COL23A1: variants seen among roughly 807,000 people sequenced by gnomAD.
COL23A1 encodes collagen alpha-1(XXIII) chain.
In COL23A1, 97 loss-of-function variants were observed where a neutral mutation model predicts 99.3. The observed-to-expected ratio is 0.98, with a 90% CI of 0.83 to 1.16. The LOEUF (loss-of-function observed/expected upper bound fraction) is 1.16, where lower values mean the gene tolerates loss of function less well. Ranked by LOEUF, COL23A1 falls within the 50% of genes most tolerant of loss-of-function variation. COL23A1 has a pLI of 0.00. For synonymous variants in COL23A1, 320 were observed against 308.2 expected (o/e 1.04, Z -0.40); for missense variants, 762 against 757.4 (o/e 1.01, Z -0.07).
Position 178,449,521 on chromosome 5 carries a change from G to A in COL23A1, c.361+111161C>T, listed in dbSNP as rs1367536063. ...CTCATGAATAAAGCTGTTTTCTATG[G>A]TTGGATGCAAAAAGCATTCCCCCCA... On this transcript the variant is annotated intron_variant, in intron 2 of 28. Coordinates refer to ENST00000390654, the MANE Select transcript of COL23A1 (RefSeq NM_173465.4). Among the ~76,000 whole-genome samples, 3 of 152,060 alleles carry A rather than the reference G, an allele frequency of 2.0e-5. No homozygotes were observed. In the East Asian group the frequency reaches 5.8e-4, roughly 29 times the overall value.
chr5:178,562,460 C>G (rs967957093), intron 1 of COL23A1: 5 of 155,670 alleles, frequency 3.2e-5, no homozygotes, highest in Non-Finnish European at 7.0e-5. Flanking sequence ...GAGGCTGAGG[C>G]AGGAGAATGG....
intron 2 of COL23A1, among the ~76,000 whole-genome samples, chr5:178,523,013 A>G (rs971660509): frequency 2.0e-5 from 3 of 151,688 alleles, no homozygotes; most frequent in Non-Finnish European, 4.4e-5. Context: ...AATGTAAAAA[A>G]ACTCCAGCCA....
intron 2 of COL23A1, among the ~76,000 whole-genome samples, chr5:178,505,100 C>T (rs528227003): frequency 3.9e-5 from 6 of 152,166 alleles, no homozygotes; most frequent in Non-Finnish European, 5.9e-5. Context: ...GTTAATTCCT[C>T]CTCATGGCTG....
intron 2 of COL23A1, among the ~76,000 whole-genome samples, chr5:178,448,404 C>G (rs1480749912): frequency 6.7e-6 from 1 of 149,106 alleles, no homozygotes; most frequent in East Asian, 2.0e-4. Context: ...TCTGTTAGTG[C>G]TAGTCGCAGT....
intron 2 of COL23A1, among the ~76,000 whole-genome samples, chr5:178,497,853 A>G (rs1758276217): frequency 6.6e-6 from 1 of 152,142 alleles, no homozygotes; most frequent in South Asian, 2.1e-4. Context: ...TAAAAATGAC[A>G]TATGAAGAAC....
chr5:178,498,232 ATATATATATATATATATATAT>A (rs1454308038), intron 2 of COL23A1, among the ~76,000 whole-genome samples: 9,582 of 73,312 alleles, frequency 0.13, 1,549 homozygotes, highest in East Asian at 0.53. Context: ...ATATATATAT[ATATATATATATATATATATAT>A]ATATAAAAGA....
chr5:178,347,144 G>A (rs1212905085), intron 2 of COL23A1, among the ~76,000 whole-genome samples: 1 of 152,138 alleles, frequency 6.6e-6, no homozygotes, highest in South Asian at 2.1e-4. Flanking sequence ...GCACTGGCCC[G>A]AGACCTTTCT....
rs1239468783 is a variant in COL23A1, at chr5:178,307,387, C to T, written c.362-468G>A. 3.3e-5 allele frequency among the ~76,000 whole-genome samples: 5 copies of T among 152,250 alleles called. No homozygotes were observed. The South Asian group carries it at 6.2e-4, about 19-fold the overall frequency. On this transcript the variant is annotated intron_variant, in intron 2 of 28. Coordinates refer to ENST00000390654, the MANE Select transcript of COL23A1 (RefSeq NM_173465.4). The surrounding 1 kb of genome is among the most constrained non-coding windows in gnomAD (Gnocchi z 4.2). ...CACAACAAAGAGGCCATCACGGCCG[C>T]GCAGCGCCGAAATCCACTCATGACA... is the stretch of plus-strand genomic sequence containing the variant.
intron 2 of COL23A1, among the ~76,000 whole-genome samples, chr5:178,330,916 C>A (rs540020506): frequency 6.6e-6 from 1 of 152,340 alleles, no homozygotes; most frequent in East Asian, 1.9e-4. Flanking sequence ...CAAAGAGGCA[C>A]CCACTGGCAG....
At chr5:178,333,626 C>T (rs2973682) in intron 2 of COL23A1, among the ~76,000 whole-genome samples, 68,564 of 151,850 alleles carry the variant, frequency 0.45, 16,202 homozygotes, top group East Asian at 0.81. Flanking sequence ...CGCCCACAGT[C>T]CCCTGCACAC....
chr5:178,276,598 G>A (rs915389365), intron 5 of COL23A1, among the ~76,000 whole-genome samples: 1 of 152,230 alleles, frequency 6.6e-6, no homozygotes, highest in Non-Finnish European at 1.5e-5. Context: ...TGGTGGATAA[G>A]GGGTGGGTGG....
chr5:178,333,021 G>A (rs1394088312), intron 2 of COL23A1, among the ~76,000 whole-genome samples: 3 of 151,988 alleles, frequency 2.0e-5, no homozygotes, highest in East Asian at 1.9e-4. Context: ...GCAGTGGCCC[G>A]ATCTTGGCTC....
At chr5:178,341,096 C>A (rs981497730) in intron 2 of COL23A1, among the ~76,000 whole-genome samples, 1 of 152,216 alleles carries the variant, frequency 6.6e-6, no homozygotes, top group South Asian at 2.1e-4. Flanking sequence ...TGCATCCCCC[C>A]ACTCCCTGTC....
chr5:178,245,838 G>T, intron 25 of COL23A1, 104 bp downstream of exon 25: 1 of 1,356,480 alleles, frequency 7.4e-7, no homozygotes, highest in Non-Finnish European at 1.1e-6. Context: ...TCCCAGCCCT[G>T]GGGAAAGGGG....
Position 178,313,381 on chromosome 5 carries a change from A to G in COL23A1, c.362-6462T>C, listed in dbSNP as rs539573661. 2.6e-5 allele frequency among the ~76,000 whole-genome samples: 4 copies of G among 152,322 alleles called. No homozygotes were observed. The highest frequency in any genetic ancestry group is 2.6e-4 in the Admixed American group (4 of 15,304). On this transcript the variant is annotated intron_variant, in intron 2 of 28. Transcript: ENST00000390654. The surrounding 1 kb of genome is among the most constrained non-coding windows in gnomAD (Gnocchi z 4.2). Reference sequence around the variant, plus strand: ...TATGTGTATTTTATCACAATTAAAGAAAACAAAACAAACACCCCAGGGGTC... The same window carrying G: ...TATGTGTATTTTATCACAATTAAAGGAAACAAAACAAACACCCCAGGGGTC...
At chr5:178,304,321 C>T (rs1375584534) in intron 3 of COL23A1, among the ~76,000 whole-genome samples, 1 of 151,962 alleles carries the variant, frequency 6.6e-6, no homozygotes, top group Non-Finnish European at 1.5e-5. Context: ...CCAGCCTGGC[C>T]AACGTGGTGA....
intron 2 of COL23A1, among the ~76,000 whole-genome samples, chr5:178,518,964 G>A (rs1759785893): frequency 6.7e-6 from 1 of 148,692 alleles, no homozygotes; most frequent in African/African-American, 2.4e-5. Flanking sequence ...CAGCGGCTCC[G>A]CTTCATATCT....
chr5:178,547,332 G>A (rs1419496859), intron 2 of COL23A1, among the ~76,000 whole-genome samples: 1 of 151,930 alleles, frequency 6.6e-6, no homozygotes, highest in Non-Finnish European at 1.5e-5. Context: ...AAAGGCGGGT[G>A]GCGAGAACAT....
intron 2 of COL23A1, among the ~76,000 whole-genome samples, chr5:178,325,465 A>G (rs1045283148): frequency 6.7e-6 from 1 of 149,144 alleles, no homozygotes; most frequent in African/African-American, 2.5e-5. Context: ...GTGCTACTCA[A>G]GTCTCCAACA....
Sources: gnomAD v4.1 joint callset for allele counts (sites outside exome capture counted in the v4.1 genomes callset) on GRCh38, gnomAD v4.1.1 for gene constraint, Gnocchi (gnomAD v3.1) non-coding constraint, MANE v1.5 for transcripts, NCBI Gene and HGNC (gene_info 2026-07-23, HGNC 2026-07-21) for gene names.